The following CREB5 variants were observed in gnomAD, a reference collection of about 807,000 sequenced individuals.
CREB5 encodes the protein cyclic AMP-responsive element-binding protein 5.
A neutral mutation model predicts 57.1 loss-of-function variants in CREB5; 19 were observed. The ratio of observed to expected loss-of-function variants is 0.33; its 90% CI spans 0.23 to 0.49. The LOEUF (loss-of-function observed/expected upper bound fraction) is 0.49. Ranked by LOEUF, CREB5 falls within the 20% of genes least tolerant of loss-of-function variation. The pLI is 0.99. For missense variants in CREB5, 579 were observed against 671.6 expected, an observed-to-expected ratio of 0.86 and a Z score of 1.52; for synonymous variants, 238 against 238.3, an observed-to-expected ratio of 1.00 and a Z score of 0.01.
chr7:28,431,484 G>A (rs1228456425), intron 1 of CREB5, among the ~76,000 whole-genome samples: 1 of 152,098 alleles, frequency 6.6e-6, no homozygotes, highest in East Asian at 1.9e-4. Context: ...AAACAACCCT[G>A]ATTTTTTCTT....
At chr7:28,504,340 G>T (rs1381990486) in intron 3 of CREB5, among the ~76,000 whole-genome samples, 2 of 152,160 alleles carry the variant, frequency 1.3e-5, no homozygotes, top group Non-Finnish European at 2.9e-5. Context: ...CCAAGAACAG[G>T]CACCAGTCAG....
At chr7:28,790,602 G>C (rs946012714) in intron 7 of CREB5, among the ~76,000 whole-genome samples, 1 of 152,206 alleles carries the variant, frequency 6.6e-6, no homozygotes, top group Non-Finnish European at 1.5e-5. Flanking sequence ...ACATTCAGAT[G>C]GGCTTGGTCC....
intron 5 of CREB5, among the ~76,000 whole-genome samples, chr7:28,594,905 G>A (rs1796644446): frequency 6.6e-6 from 1 of 151,900 alleles, no homozygotes; most frequent in Non-Finnish European, 1.5e-5. Flanking sequence ...ACTATACAAG[G>A]TCACATGTTT....
At chr7:28,385,286 G>A (rs73295139) in intron 1 of CREB5, among the ~76,000 whole-genome samples, 2,001 of 152,254 alleles carry the variant, frequency 0.013, 25 homozygotes, top group African/African-American at 0.027. Flanking sequence ...AATCTTGCTC[G>A]TAGATATCAC....
chr7:28,375,271 A>G lies in CREB5; in HGVS notation c.-25+75830A>G, dbSNP rs553150934. On this transcript the variant is annotated intron_variant, in intron 1 of 9. Transcript: ENST00000396299. The stretch of plus-strand genomic sequence containing the variant: ...AAATAAGCCAGGCACAGAAAGACAA[A>G]CATTGCACGTTCTCACTTATTTGTG... Among the ~76,000 whole-genome samples, 13 of 152,308 alleles carry G rather than the reference A, an allele frequency of 8.5e-5. No individual in the cohort carries two copies. The South Asian group carries it at 2.7e-3, about 32-fold the overall frequency.
chr7:28,824,121 T>A lies in CREB5; in HGVS notation c.*4842T>A, dbSNP rs1159351319. 2 of 152,462 alleles carry A rather than the reference T, an allele frequency of 1.3e-5. No homozygotes were observed. The highest frequency in any genetic ancestry group is 2.9e-5 in the Non-Finnish European group (2 of 68,016). 9.4% of individuals were successfully genotyped at this position (152,462 alleles called of 1,614,324 possible). A position where few individuals can be genotyped will look rare whatever the true frequency, so the allele number is the denominator to read the frequency against. On this transcript the variant is annotated 3_prime_UTR_variant, in exon 11 of 11. Transcript: ENST00000357727. ...TACAGATATTTGCACCAGGTACATTTATGTGCGTCCATTGGTAGCACAGCT... is the reference window on the plus strand; with the variant it reads ...TACAGATATTTGCACCAGGTACATTAATGTGCGTCCATTGGTAGCACAGCT...
At chr7:28,740,992 G>T (rs918076053) in intron 7 of CREB5, among the ~76,000 whole-genome samples, 2 of 117,336 alleles carry the variant, frequency 1.7e-5, no homozygotes, top group African/African-American at 5.9e-5. Flanking sequence ...ACCTGGCCAT[G>T]CAGGGATTTT....
intron 5 of CREB5, among the ~76,000 whole-genome samples, chr7:28,635,300 G>A (rs1448969094): frequency 6.6e-6 from 1 of 152,066 alleles, no homozygotes; most frequent in Non-Finnish European, 1.5e-5. Flanking sequence ...TTTCAATTTG[G>A]CACATTATTT....
At chr7:28,611,717 A>AAAT (rs1797396151) in intron 5 of CREB5, among the ~76,000 whole-genome samples, 2 of 139,814 alleles carry the variant, frequency 1.4e-5, no homozygotes, top group South Asian at 4.6e-4. Context: ...AATAAATAAA[A>AAAT]TATATATGTG....
chr7:28,375,486 A>C (rs1205163426), intron 1 of CREB5, among the ~76,000 whole-genome samples: 1 of 152,210 alleles, frequency 6.6e-6, no homozygotes, highest in Non-Finnish European at 1.5e-5. Flanking sequence ...TTAATTGTAC[A>C]TTTTAAAATA....
chr7:28,718,665 G>A (rs999973284), intron 5 of CREB5, 88 bp from the exon 6 acceptor site: 19 of 1,551,302 alleles, frequency 1.2e-5, no homozygotes, highest in Non-Finnish European at 1.2e-5. Context: ...CTGCACATGT[G>A]ACATTGTTGT....
At chr7:28,620,226 T>G (rs929512693) in intron 5 of CREB5, among the ~76,000 whole-genome samples, 2 of 152,170 alleles carry the variant, frequency 1.3e-5, no homozygotes, top group African/African-American at 4.8e-5. Flanking sequence ...TTTCACTTTG[T>G]TCTTGTTTTA....
chr7:28,543,499 T>C (rs62449895), intron 4 of CREB5, among the ~76,000 whole-genome samples: 33,961 of 150,644 alleles, frequency 0.23, 4,806 homozygotes, highest in South Asian at 0.33. Flanking sequence ...GTCCATATCA[T>C]TACAAGTAGC....
chr7:28,413,008 T>C, intron 1 of CREB5, 91 bp downstream of exon 1: 1 of 1,205,322 alleles, frequency 8.3e-7, no homozygotes, highest in Non-Finnish European at 1.1e-6. Context: ...TAGATGGAAT[T>C]CAGAAATGGA....
At chr7:28,494,610 A>C (rs772128518) in intron 2 of CREB5, among the ~76,000 whole-genome samples, 1 of 152,166 alleles carries the variant, frequency 6.6e-6, no homozygotes, top group African/African-American at 2.4e-5. Context: ...TATTATCAGT[A>C]CTCAGCCAGA....
At chr7:28,371,981 G>T (rs1490188327) in intron 1 of CREB5, among the ~76,000 whole-genome samples, 2 of 152,116 alleles carry the variant, frequency 1.3e-5, no homozygotes, top group Non-Finnish European at 2.9e-5. Flanking sequence ...TTATTCAAAG[G>T]ACCTACGTGT....
At chr7:28,690,368 C>A (rs558681065) in intron 5 of CREB5, among the ~76,000 whole-genome samples, 1 of 152,330 alleles carries the variant, frequency 6.6e-6, no homozygotes, top group South Asian at 2.1e-4. Flanking sequence ...CGATGCTGAA[C>A]TCACATTCTT....
chr7:28,368,102 A>T (rs577978317), intron 1 of CREB5, among the ~76,000 whole-genome samples: 1 of 152,298 alleles, frequency 6.6e-6, no homozygotes, highest in African/African-American at 2.4e-5. Context: ...TAATTACAGG[A>T]TGGAACTGGA....
chr7:28,812,043 ACTATATGT>A (rs1809150128), intron 9 of CREB5, among the ~76,000 whole-genome samples: 1 of 152,132 alleles, frequency 6.6e-6, no homozygotes, highest in South Asian at 2.1e-4. Flanking sequence ...GCCTTTACCC[ACTATATGT>A]CAGGAGCACA....
Sources: gnomAD v4.1 joint callset for allele counts (sites outside exome capture counted in the v4.1 genomes callset) on GRCh38, gnomAD v4.1.1 for gene constraint, MANE v1.5 for transcripts, NCBI Gene and HGNC (gene_info 2026-07-23, HGNC 2026-07-21) for gene names.